Variants in DNMT1 observed in about 807,000 individuals in gnomAD.
DNMT1 encodes the protein DNA methyltransferase 1.
In DNMT1, 24 loss-of-function variants were observed where a neutral mutation model predicts 205.3. The ratio of observed to expected loss-of-function variants is 0.12; its 90% CI spans 0.08 to 0.16. The LOEUF is 0.16. DNMT1 is among the 10% of genes least tolerant of loss of function. DNMT1 has a pLI of 1.00. For missense variants in DNMT1, 1,293 were observed against 2,177.7 expected, an observed-to-expected ratio of 0.59 and a Z score of 8.09; for synonymous variants, 817 against 839.8, an observed-to-expected ratio of 0.97 and a Z score of 0.47.
chr19:10,156,013 C>T lies in DNMT1; in HGVS notation c.1400-68G>A, dbSNP rs368673798. On this transcript the variant is annotated intron_variant, in intron 18 of 40. Coordinates refer to ENST00000359526, the MANE Select transcript of DNMT1 (RefSeq NM_001130823.3). This position sits in a 1 kb window ranked among gnomAD's most constrained non-coding sequence, Gnocchi z 4.2. ...TCCCAAACCCAGGAGGCGCTCTAAG[C>T]GCCCACTCAGCAGACATCCCATCAG... 3.6e-5 allele frequency: 55 copies of T among 1,521,516 alleles called. No homozygotes were observed. The highest frequency in any genetic ancestry group is 3.4e-4 in the Middle Eastern group (2 of 5,924). The allele number at this position is 1,521,516 out of a possible 1,614,324, so 94.3% of individuals were successfully genotyped here.
chr19:10,137,387 G>A lies in DNMT1; in HGVS notation c.4294-107C>T, dbSNP rs1396613407. On this transcript the variant is annotated intron_variant, in intron 36 of 40. Transcript: ENST00000359526. The surrounding 1 kb of genome is among the most constrained non-coding windows in gnomAD (Gnocchi z 6.4). ...CATGGTGACCAGGAAGCCCCCTGGG[G>A]CTCACGCCCATCGGGAAAGAGACAG... 3 of 1,368,098 alleles carry A rather than the reference G, an allele frequency of 2.2e-6. No individual in the cohort carries two copies. The highest frequency in any genetic ancestry group is 2.5e-5 in the East Asian group (1 of 39,906). The allele number at this position is 1,368,098 out of a possible 1,614,324, so 84.7% of individuals were successfully genotyped here.
rs568240068 is a variant in DNMT1 at position 10,189,326 on chromosome 19, T to C, written c.80+5494A>G. Among the ~76,000 whole-genome samples the C allele has an allele frequency of 2.0e-5, 3 of 152,204 alleles. No individual in the cohort carries two copies. The East Asian group carries it at 5.8e-4, about 29-fold the overall frequency. On this transcript the variant is annotated intron_variant, in intron 1 of 40. Coordinates refer to ENST00000359526, the MANE Select transcript of DNMT1 (RefSeq NM_001130823.3). ...TTAGTAGAGACGGGGTTTCACCGTG[T>C]TAGCCAGGATGGTCTCGATCTCCTG...
At chr19:10,176,079 A>C (rs2038933306) in intron 6 of DNMT1, among the ~76,000 whole-genome samples, 1 of 152,060 alleles carries the variant, frequency 6.6e-6, no homozygotes, top group Admixed American at 6.6e-5. Context: ...GAGGCAGGAG[A>C]ATCGCTTGAA....
chr19:10,134,938 G>A (rs570554961), intron 39 of DNMT1, among the ~76,000 whole-genome samples: 376 of 151,042 alleles, frequency 2.5e-3, no homozygotes, highest in Non-Finnish European at 3.9e-3. Flanking sequence ...CCTGGCCGGC[G>A]CAGTGGCTCA....
In DNMT1 at chr19:10,137,832, C is replaced by T. The variant is rs1192250628; in HGVS notation, c.4293G>A (p.Lys1431=). 6.2e-7 allele frequency: 1 copy of T among 1,612,908 alleles called. No individual in the cohort carries two copies. Among genetic ancestry groups the T allele is most frequent in the Non-Finnish European group, 8.5e-7 (1 of 1,179,750 alleles). Residue 1431 remains lysine (K), a splice_region_variant and synonymous_variant, in exon 36 of 41, where the codon AAG becomes AAA. Transcript: ENST00000359526. The surrounding 1 kb of genome is among the most constrained non-coding windows in gnomAD (Gnocchi z 6.4). ...AGCCGCTCTGTCAGGGTGCCATTACCTTACAGATGTGGTCCCTGAGGATGG... is the reference window on the plus strand; with the variant it reads ...AGCCGCTCTGTCAGGGTGCCATTACTTTACAGATGTGGTCCCTGAGGATGG... ...YQPILRDHIC[K]DMSALVAARM...
In DNMT1 at chr19:10,189,422, ATT is replaced by A. The variant is rs35245682; in HGVS notation, c.80+5396_80+5397del. 0.03 allele frequency among the ~76,000 whole-genome samples: 4,017 copies of A among 135,178 alleles called. 400 individuals carry two copies. In the East Asian group the frequency reaches 0.34, roughly 11 times the overall value. The allele number at this position is 135,178 out of a possible 152,430, so 88.7% of individuals were successfully genotyped here. A position where few individuals can be genotyped will look rare whatever the true frequency, so the allele number is the denominator to read the frequency against. On this transcript the variant is annotated intron_variant, in intron 1 of 40. Transcript: ENST00000359526. ...AGGCGTGAGCCACCACGCCCAGCTG[ATT>A]TTTTTTTTTTTTTGAGACAGAGTCT...
rs746926863 is a variant in DNMT1, at chr19:10,140,215, G to T, written c.3637C>A (p.Leu1213Met). The T allele has an allele frequency of 6.2e-7, 1 of 1,614,116 alleles. No individual in the cohort carries two copies. Residue 1213 changes from leucine to methionine, a missense_variant, in exon 33 of 41, where the codon CTG (leucine) becomes ATG (methionine). Around this residue, in one of 13 missense-constraint regions of DNMT1, gnomAD observed 26 missense variants for 86.5 expected, o/e 0.30. Transcript: ENST00000359526. The surrounding 1 kb of genome is among the most constrained non-coding windows in gnomAD (Gnocchi z 8.4). ...FTEDCNILLK[L>M]VMAGETTNSR... ...TTGGTGGTCTCCCCAGCCATGACCA[G>T]CTTCAGCAGGATGTTGCAGTCCTCT...
chr19:10,191,312 G>A lies in DNMT1; in HGVS notation c.80+3508C>T, dbSNP rs1297839949. On this transcript the variant is annotated intron_variant, in intron 1 of 40. Coordinates refer to ENST00000359526, the MANE Select transcript of DNMT1 (RefSeq NM_001130823.3). ...AAAAAAAAAAAAATCTAAGTTTCAA[G>A]TACTGTTGGATACCATGTTTATTTT... Among the ~76,000 whole-genome samples the A allele has an allele frequency of 2.0e-5, 3 of 148,004 alleles. No homozygotes were observed. The East Asian group carries it at 5.9e-4, about 29-fold the overall frequency.
At chr19:10,189,413 G>A (rs1202147343) in intron 1 of DNMT1, among the ~76,000 whole-genome samples, 3 of 144,416 alleles carry the variant, frequency 2.1e-5, no homozygotes, top group African/African-American at 5.2e-5. Flanking sequence ...GAGCCACCAC[G>A]CCCAGCTGAT....
intron 39 of DNMT1, 95 bp from the exon 40 acceptor site, chr19:10,134,402 A>G: frequency 1.7e-6 from 2 of 1,163,614 alleles, no homozygotes; most frequent in East Asian, 2.5e-5. Context: ...ATGGAGGACA[A>G]CCTGGGCATT....
chr19:10,176,959 A>T (rs6511685), intron 6 of DNMT1, among the ~76,000 whole-genome samples: 77,824 of 151,916 alleles, frequency 0.51, 20,156 homozygotes, highest in East Asian at 0.68. Context: ...ACTAAACTAT[A>T]TATGGACAAA....
chr19:10,152,758 T>TCAA (rs372179811), intron 22 of DNMT1, among the ~76,000 whole-genome samples: 2,754 of 150,726 alleles, frequency 0.018, 60 homozygotes, highest in African/African-American at 0.04. Context: ...GAGACCCATC[T>TCAA]CAACAACAAC....
intron 9 of DNMT1, among the ~76,000 whole-genome samples, chr19:10,170,788 T>TTTTG (rs367855794): frequency 1.3e-4 from 20 of 151,950 alleles, no homozygotes; most frequent in Admixed American, 3.3e-4. Flanking sequence ...TGTTTGTTTG[T>TTTTG]TTTGTTTGTT....
In DNMT1 at chr19:10,138,133, C is replaced by T. The variant is rs1345147026; in HGVS notation, c.4116-124G>A. On this transcript the variant is annotated intron_variant, in intron 35 of 40. Transcript: ENST00000359526. The surrounding 1 kb of genome is among the most constrained non-coding windows in gnomAD (Gnocchi z 4.1). ...GAGATCACAGCACTGCCCGAGGTCA[C>T]ATGGGTGGCAGTGTGCCTGGATGCC... 7.1e-6 allele frequency: 9 copies of T among 1,263,604 alleles called. No homozygotes were observed. The highest frequency in any genetic ancestry group is 1.0e-5 in the Non-Finnish European group (9 of 900,546). 78.3% of individuals were successfully genotyped at this position (1,263,604 alleles called of 1,614,324 possible). A position where few individuals can be genotyped will look rare whatever the true frequency, so the allele number is the denominator to read the frequency against.
At chr19:10,134,047 G>T (rs181852258) in intron 40 of DNMT1, among the ~76,000 whole-genome samples, 170 bp downstream of exon 40, 1 of 152,196 alleles carries the variant, frequency 6.6e-6, no homozygotes. Context: ...CACTTGACAC[G>T]TGCAACTCAC....
At position 10,134,319 on chromosome 19, in the gene DNMT1, G is replaced by A. The variant is rs779525201; in HGVS notation, c.4774-12C>T. The A allele has an allele frequency of 2.1e-5, 34 of 1,613,404 alleles. No individual in the cohort carries two copies. Among genetic ancestry groups the A allele is most frequent in the Non-Finnish European group, 2.6e-5 (31 of 1,179,626 alleles). Reference sequence around the variant, plus strand: ...ACGGCATTGCCCACCTGCAGGAGGGGAGAAGGGCAATGCCTGATGTGGACA... The same window carrying A: ...ACGGCATTGCCCACCTGCAGGAGGGAAGAAGGGCAATGCCTGATGTGGACA... On this transcript the variant is annotated splice_polypyrimidine_tract_variant and intron_variant, in intron 39 of 40. Transcript: ENST00000359526.
chr19:10,160,132 T>C (rs1206891998), intron 14 of DNMT1, 69 bp from the exon 15 acceptor site: 3 of 1,603,018 alleles, frequency 1.9e-6, no homozygotes, highest in South Asian at 1.1e-5. Context: ...ATCGCCCCTG[T>C]GAGGTTTCTG....
In DNMT1 at chr19:10,151,847, C is replaced by T. The variant is rs2038349015; in HGVS notation, c.2020G>A (p.Val674Met). The change falls in exon 23 of 41, where the codon GTG becomes ATG. Residue 674 changes from valine (V) to methionine (M), a missense_variant and splice_region_variant. This residue lies in a region of DNMT1 where 197 missense variants were observed against 353.6 expected (regional missense o/e 0.56). Transcript: ENST00000359526. The surrounding 1 kb of genome is among the most constrained non-coding windows in gnomAD (Gnocchi z 5.0). ...FKRRRCGVCE[V>M]CQQPECGKCK... ...TTCCCACACTCAGGCTGCTGACACA[C>T]CTAAAAAATGGCATTAAAAAGGCAA... 6 of 1,613,976 alleles carry T rather than the reference C, an allele frequency of 3.7e-6. No individual in the cohort carries two copies. Among genetic ancestry groups the T allele is most frequent in the Non-Finnish European group, 5.1e-6 (6 of 1,179,964 alleles).
chr19:10,192,574 CA>C (rs1468285834), intron 1 of DNMT1, among the ~76,000 whole-genome samples: 10 of 151,746 alleles, frequency 6.6e-5, no homozygotes, highest in African/African-American at 2.4e-4. Context: ...CCAGCCTGAG[CA>C]ACATGGCAAG....
Sources: gnomAD v4.1 joint callset for allele counts (sites outside exome capture counted in the v4.1 genomes callset) on GRCh38, gnomAD v4.1.1 for gene constraint, gnomAD v4.1.1 regional missense constraint, Gnocchi (gnomAD v3.1) non-coding constraint, MANE v1.5 for transcripts, NCBI Gene and HGNC (gene_info 2026-07-23, HGNC 2026-07-21) for gene names.